The following ATP8B4 variants were observed in gnomAD, a reference collection of about 807,000 sequenced individuals.
ATP8B4 encodes ATPase phospholipid transporting 8B4 (putative).
ATP8B4 carries 133 observed loss-of-function variants against 145.6 expected under a neutral mutation model. The observed-to-expected ratio is 0.91, with a 90% CI of 0.79 to 1.05. The LOEUF (loss-of-function observed/expected upper bound fraction) is 1.05. ATP8B4 is among the 50% of genes least tolerant of loss of function. The pLI, the probability that ATP8B4 is intolerant of heterozygous loss-of-function variation, is 0.00. For missense variants in ATP8B4, 1,458 were observed against 1,425.2 expected (o/e 1.02, Z -0.37); for synonymous variants, 507 against 492.9 (o/e 1.03, Z -0.38).
Position 50,004,234 on chromosome 15 carries a change from G to A in ATP8B4, c.436-2011C>T, listed in dbSNP as rs139349467. Among the ~76,000 whole-genome samples, 6 of 152,326 alleles carry A rather than the reference G, an allele frequency of 3.9e-5. No individual in the cohort carries two copies. The East Asian group carries it at 9.6e-4, about 24-fold the overall frequency. ...TTCATTGTGGTTGAGGAGGGAGTGC[G>A]AAGGGAAGGCCCAGCGGGGCCGGGA... On this transcript the variant is annotated intron_variant, in intron 7 of 27. Coordinates refer to ENST00000284509, the MANE Select transcript of ATP8B4 (RefSeq NM_024837.4).
intron 14 of ATP8B4, among the ~76,000 whole-genome samples, chr15:49,935,567 A>G (rs117385521): frequency 0.014 from 2,118 of 152,208 alleles, 25 homozygotes; most frequent in Non-Finnish European, 0.019. Context: ...GAGTTACAAA[A>G]TCAAATACTA....
chr15:49,980,161 C>G (rs1354573269), intron 11 of ATP8B4, among the ~76,000 whole-genome samples: 1 of 152,138 alleles, frequency 6.6e-6, no homozygotes, highest in African/African-American at 2.4e-5. Flanking sequence ...ATGAAGGTGA[C>G]TGGTATTGCT....
chr15:50,118,689 CA>C (rs2057223025), intron 1 of ATP8B4, among the ~76,000 whole-genome samples: 1 of 152,094 alleles, frequency 6.6e-6, no homozygotes, highest in Non-Finnish European at 1.5e-5. Context: ...AGGGATAGCT[CA>C]GTGCAAACTG....
intron 13 of ATP8B4, among the ~76,000 whole-genome samples, chr15:49,965,399 T>C (rs1323440758): frequency 6.6e-6 from 1 of 152,182 alleles, no homozygotes; most frequent in Non-Finnish European, 1.5e-5. Context: ...GATTTCTGTA[T>C]TGAGAAAGTG....
chr15:49,940,217 A>C (rs1349088521), intron 14 of ATP8B4, among the ~76,000 whole-genome samples: 26 of 152,208 alleles, frequency 1.7e-4, no homozygotes, highest in Non-Finnish European at 1.5e-5. Flanking sequence ...ATACAGCCAT[A>C]AAAAAGAATG....
intron 6 of ATP8B4, among the ~76,000 whole-genome samples, chr15:50,016,994 G>A (rs141466580): frequency 3.9e-5 from 6 of 152,208 alleles, no homozygotes; most frequent in East Asian, 1.9e-4. Flanking sequence ...TGATTTTCCC[G>A]CCTCAACCTC....
Position 49,920,375 on chromosome 15 carries a change from G to T in ATP8B4, c.1794C>A (p.Ile598=), listed in dbSNP as rs72733094. ...ACTTGTCATCCAGGTCTCTGTATGC[G>T]ATGGCCAAGGTCCGAAGGCCTTCCC... ...FAGEGLRTLA[I]AYRDLDDKYF... Residue 598 remains isoleucine (I), a synonymous_variant, in exon 18 of 28, where the codon ATC becomes ATA. Coordinates refer to ENST00000284509, the MANE Select transcript of ATP8B4 (RefSeq NM_024837.4). The T allele has an allele frequency of 9.0e-3, 14,569 of 1,614,104 alleles. 84 individuals carry two copies. Among genetic ancestry groups the T allele is most frequent in the Non-Finnish European group, 0.011 (13,476 of 1,179,994 alleles).
chr15:49,992,119 A>G (rs1222706343), intron 9 of ATP8B4, among the ~76,000 whole-genome samples: 1 of 152,156 alleles, frequency 6.6e-6, no homozygotes, highest in Non-Finnish European at 1.5e-5. Flanking sequence ...GGGTCTCTTT[A>G]TCCATAAATT....
intron 1 of ATP8B4, among the ~76,000 whole-genome samples, chr15:50,164,920 C>G (rs745455475): frequency 1.3e-5 from 2 of 152,234 alleles, no homozygotes; most frequent in Non-Finnish European, 2.9e-5. Flanking sequence ...TCACTGTGCT[C>G]TCCTCCCAAG....
At position 50,072,999 on chromosome 15, in the gene ATP8B4, TATATATATATATATATATATACAC is replaced by T. The variant is rs1319305642; in HGVS notation, c.87+1104_87+1127del. 4.6e-3 allele frequency among the ~76,000 whole-genome samples: 243 copies of T among 52,354 alleles called. 5 individuals are homozygous for T. Among genetic ancestry groups the T allele is most frequent in the Middle Eastern group, 9.4e-3 (1 of 106 alleles). 34.3% of individuals were successfully genotyped at this position (52,354 alleles called of 152,430 possible). On this transcript the variant is annotated intron_variant, in intron 3 of 27. Transcript: ENST00000284509. ...CTCTCTCTATATATATATATATATA[TATATATATATATATATATATACAC>T]ACACACACACACACACACACACACA... is the stretch of plus-strand genomic sequence containing the variant.
intron 2 of ATP8B4, among the ~76,000 whole-genome samples, chr15:50,087,135 C>A (rs1159594298): frequency 2.5e-5 from 3 of 121,438 alleles, no homozygotes; most frequent in Non-Finnish European, 3.2e-5. Flanking sequence ...ATATATAGAT[C>A]TATATTTATT....
chr15:50,073,524 A>G (rs2053986774), intron 3 of ATP8B4, among the ~76,000 whole-genome samples: 1 of 152,170 alleles, frequency 6.6e-6, no homozygotes, highest in Non-Finnish European at 1.5e-5. Context: ...GGTCCTTGCT[A>G]TTGAGAACAG....
chr15:49,967,160 G>T lies in ATP8B4; in HGVS notation c.1244-5140C>A, dbSNP rs569761823. Among the ~76,000 whole-genome samples the T allele has an allele frequency of 9.0e-4, 137 of 152,256 alleles. 1 individual carries two copies. The highest frequency in any genetic ancestry group is 3.2e-3 in the African/African-American group (131 of 41,550). ...AAGGTAGATAAATCCATGAAGATGA[G>T]GAAAAACCAGTGCAAAAAAGCTGAA... On this transcript the variant is annotated intron_variant, in intron 13 of 27. Coordinates refer to ENST00000284509, the MANE Select transcript of ATP8B4 (RefSeq NM_024837.4).
intron 26 of ATP8B4, among the ~76,000 whole-genome samples, chr15:49,862,955 T>C (rs2032120883): frequency 6.6e-6 from 1 of 152,200 alleles, no homozygotes; most frequent in African/African-American, 2.4e-5. Flanking sequence ...ATCAAGATCT[T>C]GTGGTTACAA....
chr15:50,135,611 C>T (rs114059599), intron 1 of ATP8B4, among the ~76,000 whole-genome samples: 189 of 152,234 alleles, frequency 1.2e-3, no homozygotes, highest in African/African-American at 4.5e-3. Context: ...ACAAGAATTC[C>T]AAATGAGACT....
chr15:49,899,077 A>G (rs1327436685), intron 21 of ATP8B4, among the ~76,000 whole-genome samples: 3 of 152,210 alleles, frequency 2.0e-5, no homozygotes, highest in Non-Finnish European at 4.4e-5. Flanking sequence ...GCCCATATCA[A>G]TCTGGCCCCT....
At chr15:49,953,923 G>C (rs1019139451) in intron 14 of ATP8B4, among the ~76,000 whole-genome samples, 5 of 152,160 alleles carry the variant, frequency 3.3e-5, no homozygotes, top group Non-Finnish European at 7.4e-5. Context: ...GCTGGAGGCA[G>C]GGGGTTCCCC....
intron 25 of ATP8B4, among the ~76,000 whole-genome samples, chr15:49,872,271 C>A (rs959160693): frequency 6.6e-6 from 1 of 152,054 alleles, no homozygotes; most frequent in Admixed American, 6.6e-5. Context: ...TTGGGCAAAT[C>A]CCTTATACCT....
intron 14 of ATP8B4, among the ~76,000 whole-genome samples, chr15:49,956,370 G>T (rs2043562046): frequency 6.6e-6 from 1 of 151,942 alleles, no homozygotes. Flanking sequence ...GAACACAGTT[G>T]CATTATAAGT....
Sources: gnomAD v4.1 joint callset for allele counts (sites outside exome capture counted in the v4.1 genomes callset) on GRCh38, gnomAD v4.1.1 for gene constraint, MANE v1.5 for transcripts, NCBI Gene and HGNC (gene_info 2026-07-23, HGNC 2026-07-21) for gene names.